Variants in DPYD observed in about 807,000 individuals in gnomAD.
DPYD encodes the protein dihydropyrimidine dehydrogenase.
In DPYD, 109 loss-of-function variants were observed where a neutral mutation model predicts 116.2. The observed-to-expected ratio is 0.94, with a 90% CI of 0.80 to 1.10. The LOEUF is 1.10. Among genes scored for constraint, DPYD ranks in the 50% least tolerant of loss-of-function variants. The pLI is 0.00. For missense variants in DPYD, 1,302 were observed against 1,254.5 expected (o/e 1.04, Z -0.57); for synonymous variants, 440 against 432.0 (o/e 1.02, Z -0.23).
At chr1:97,695,233 C>G (rs924491325) in intron 6 of DPYD, among the ~76,000 whole-genome samples, 16 of 151,772 alleles carry the variant, frequency 1.1e-4, no homozygotes, top group Non-Finnish European at 2.2e-4. Context: ...ATAGCTATAT[C>G]CTTCACATTA....
intron 8 of DPYD, among the ~76,000 whole-genome samples, chr1:97,632,761 A>G (rs1232269636): frequency 3.3e-5 from 5 of 152,152 alleles, no homozygotes. Context: ...AGGATTTTTA[A>G]TATATTTACA....
chr1:97,087,307 T>C (rs2101570659), intron 21 of DPYD, among the ~76,000 whole-genome samples: 1 of 152,342 alleles, frequency 6.6e-6, no homozygotes, highest in East Asian at 1.9e-4. Context: ...ATATTCTATA[T>C]ATGCCCTCTG....
chr1:97,315,795 G>A (rs986522076), intron 16 of DPYD, among the ~76,000 whole-genome samples: 3 of 151,910 alleles, frequency 2.0e-5, no homozygotes, highest in East Asian at 3.9e-4. Flanking sequence ...GTTAAGCCTT[G>A]TTGGTGACCT....
intron 20 of DPYD, among the ~76,000 whole-genome samples, chr1:97,173,386 G>GCACACATATATGTACATATA (rs1656985753): frequency 1.6e-5 from 2 of 124,122 alleles, no homozygotes; most frequent in South Asian, 2.6e-4. Context: ...GTGTATATAC[G>GCACACATATATGTACATATA]TACATATATG....
At chr1:97,414,541 T>G (rs1674184853) in intron 14 of DPYD, among the ~76,000 whole-genome samples, 1 of 152,228 alleles carries the variant, frequency 6.6e-6, no homozygotes, top group African/African-American at 2.4e-5. Flanking sequence ...GGGCTCAGAA[T>G]AGAAAATTCA....
chr1:97,415,982 C>T (rs1203752323), intron 14 of DPYD, among the ~76,000 whole-genome samples: 1 of 151,966 alleles, frequency 6.6e-6, no homozygotes, highest in Non-Finnish European at 1.5e-5. Context: ...ATGAGTCGTA[C>T]TCCTGATTAG....
At chr1:97,873,955 T>C (rs1375610139) in intron 2 of DPYD, among the ~76,000 whole-genome samples, 1 of 151,872 alleles carries the variant, frequency 6.6e-6, no homozygotes, top group East Asian at 1.9e-4. Context: ...AAAAATAGTA[T>C]GTTAGATGGC....
At position 97,078,848 on chromosome 1, in the gene DPYD, A is replaced by T; in HGVS notation, c.*128T>A. 1.8e-6 allele frequency: 2 copies of T among 1,117,460 alleles called. No individual in the cohort carries two copies. Among genetic ancestry groups the T allele is most frequent in the South Asian group, 1.3e-5 (1 of 74,442 alleles). 69.2% of individuals were successfully genotyped at this position (1,117,460 alleles called of 1,614,324 possible). The stretch of plus-strand genomic sequence containing the variant: ...ACACTTACAAATGTATTTTGAAATT[A>T]CATATTTTTATTTAGAAAATGTATA... On this transcript the variant is annotated 3_prime_UTR_variant, in exon 23 of 23. Coordinates refer to ENST00000370192, the MANE Select transcript of DPYD (RefSeq NM_000110.4).
intron 19 of DPYD, among the ~76,000 whole-genome samples, chr1:97,227,936 T>C (rs1044713480): frequency 3.9e-5 from 6 of 152,058 alleles, no homozygotes; most frequent in Non-Finnish European, 7.4e-5. Context: ...CAAATGATGC[T>C]GTAACCTAGG....
chr1:97,161,259 A>C (rs1427944513), intron 20 of DPYD, among the ~76,000 whole-genome samples: 1 of 152,126 alleles, frequency 6.6e-6, no homozygotes, highest in Non-Finnish European at 1.5e-5. Context: ...GCCTGACTAT[A>C]TATACCACTA....
At chr1:97,883,635 T>A (rs185949432) in intron 1 of DPYD, among the ~76,000 whole-genome samples, 15 of 151,958 alleles carry the variant, frequency 9.9e-5, no homozygotes, top group Non-Finnish European at 2.1e-4. Flanking sequence ...TTAATAGAGA[T>A]GAGGTTTCGC....
At chr1:97,622,121 G>C (rs77228026) in intron 8 of DPYD, among the ~76,000 whole-genome samples, 1 of 152,006 alleles carries the variant, frequency 6.6e-6, no homozygotes, top group Non-Finnish European at 1.5e-5. Context: ...CCACTCATTA[G>C]GTGTGGCCTG....
At position 97,566,278 on chromosome 1, in the gene DPYD, T is replaced by C. The variant is rs376093684; in HGVS notation, c.1339+7482A>G. Among the ~76,000 whole-genome samples, 6 of 152,312 alleles carry C rather than the reference T, an allele frequency of 3.9e-5. No individual in the cohort carries two copies. In the South Asian group the frequency reaches 6.2e-4, roughly 16 times the overall value. On this transcript the variant is annotated intron_variant, in intron 11 of 22. Coordinates refer to ENST00000370192, the MANE Select transcript of DPYD (RefSeq NM_000110.4). ...ATTTCTCTTTTCACTACTTTATCCCTGAAACGTATCTTTAAAAAGAGTCTG... is the reference window on the plus strand; with the variant it reads ...ATTTCTCTTTTCACTACTTTATCCCCGAAACGTATCTTTAAAAAGAGTCTG...
At chr1:97,702,584 A>T (rs536619702) in intron 5 of DPYD, among the ~76,000 whole-genome samples, 7 of 151,994 alleles carry the variant, frequency 4.6e-5, no homozygotes, top group Admixed American at 1.3e-4. Context: ...TTTACAATGG[A>T]AGCAGATTTA....
At chr1:97,761,035 A>G (rs1158665001) in intron 3 of DPYD, among the ~76,000 whole-genome samples, 1 of 151,924 alleles carries the variant, frequency 6.6e-6, no homozygotes, top group Non-Finnish European at 1.5e-5. Context: ...AGGTCCAGCC[A>G]CCCCTCGTGT....
chr1:97,862,952 C>CT (rs1256395947), intron 2 of DPYD, among the ~76,000 whole-genome samples: 3 of 151,832 alleles, frequency 2.0e-5, no homozygotes, highest in East Asian at 3.9e-4. Context: ...CTAGGCAAAA[C>CT]TGTAATACGA....
intron 16 of DPYD, among the ~76,000 whole-genome samples, chr1:97,319,281 A>G (rs1263431867): frequency 6.6e-6 from 1 of 151,276 alleles, no homozygotes; most frequent in Non-Finnish European, 1.5e-5. Flanking sequence ...CAAAAAATCA[A>G]TGAATCCAGG....
At chr1:97,710,591 G>T (rs1662227414) in intron 5 of DPYD, among the ~76,000 whole-genome samples, 1 of 151,472 alleles carries the variant, frequency 6.6e-6, no homozygotes, top group Non-Finnish European at 1.5e-5. Flanking sequence ...TATTAAAATA[G>T]ACATTGAGAG....
At chr1:97,259,122 A>G (rs1663703619) in intron 18 of DPYD, among the ~76,000 whole-genome samples, 1 of 152,124 alleles carries the variant, frequency 6.6e-6, no homozygotes, top group East Asian at 1.9e-4. Context: ...AACATGAAAT[A>G]TAACCTATTA....
Sources: gnomAD v4.1 joint callset for allele counts (sites outside exome capture counted in the v4.1 genomes callset) on GRCh38, gnomAD v4.1.1 for gene constraint, MANE v1.5 for transcripts, NCBI Gene and HGNC (gene_info 2026-07-23, HGNC 2026-07-21) for gene names.